The following KRR1 variants were observed in gnomAD, a reference collection of about 807,000 sequenced individuals.
The protein encoded by KRR1 is KRR1 small subunit processome component homolog.
KRR1 carries 23 observed loss-of-function variants against 50.0 expected under a neutral mutation model. The ratio of observed to expected loss-of-function variants is 0.46; its 90% confidence interval spans 0.33 to 0.65. The LOEUF is 0.65. Ranked by LOEUF, KRR1 falls within the 30% of genes least tolerant of loss-of-function variation. The pLI is 0.02. For synonymous variants in KRR1, 133 were observed against 146.3 expected (o/e 0.91, Z 0.66); for missense variants, 419 against 442.4 (o/e 0.95, Z 0.47).
At position 75,499,778 on chromosome 12, in the gene KRR1, A is replaced by AGATAGTTCTAG; in HGVS notation, c.*20_*30dup. 6.5e-7 allele frequency: 1 copy of AGATAGTTCTAG among 1,537,034 alleles called. No homozygotes were observed. The highest frequency in any genetic ancestry group is 8.8e-7 in the Non-Finnish European group (1 of 1,139,210). On this transcript the variant is annotated 3_prime_UTR_variant, in exon 10 of 10. Coordinates refer to ENST00000229214, the MANE Select transcript of KRR1 (RefSeq NM_007043.7). ...ATATCTCAAAATCCTTTACAAAAGG[A>AGATAGTTCTAG]GATAGTTCTAGTCAAGGAGTTTTGG...
rs1158184491 is a variant in KRR1 at position 75,505,240 on chromosome 12, G to A, written c.618C>T (p.Val206=). ...GATGAATATTCTTCATAGTATCAAG[G>A]ACTACTTTTCTAACCTGAAATTTGC... The part of the protein sequence containing the change: ...FSGLKEVRKV[V]LDTMKNIHPI... Residue 206 remains valine, a synonymous_variant, in exon 6 of 10, where the codon GTC becomes GTT. Coordinates refer to ENST00000229214, the MANE Select transcript of KRR1 (RefSeq NM_007043.7). 8 of 1,574,868 alleles carry A rather than the reference G, an allele frequency of 5.1e-6. No homozygotes were observed. Among genetic ancestry groups the A allele is most frequent in the Non-Finnish European group, 6.9e-6 (8 of 1,158,048 alleles).
At chr12:75,505,438 G>A (rs1438413023) in intron 5 of KRR1, among the ~76,000 whole-genome samples, 184 bp from the exon 6 acceptor site, 2 of 151,976 alleles carry the variant, frequency 1.3e-5, no homozygotes, top group Non-Finnish European at 2.9e-5. Context: ...AATCTCCCTT[G>A]AATACAATAC....
At position 75,503,933 on chromosome 12, in the gene KRR1, G is replaced by A; in HGVS notation, c.802C>T (p.Pro268Ser). The change falls in exon 7 of 10, where the codon CCA becomes TCA. Residue 268 changes from proline (P) to serine (S), a missense_variant. Pro to Ser is a moderately conservative substitution (Grantham distance 74). Transcript: ENST00000229214. ...CTTTCTGGTTGTGGTGGTGGGAATG[G>A]CGTATATTCTTTCTTAACAGTTTTT... The part of the protein sequence containing the change: ...KKKTVKKEYT[P>S]FPPPQPESQI... The A allele has an allele frequency of 1.9e-6, 3 of 1,611,666 alleles. No homozygotes were observed. The highest frequency in any genetic ancestry group is 2.5e-6 in the Non-Finnish European group (3 of 1,178,522).
intron 7 of KRR1, 68 bp downstream of exon 7, chr12:75,503,836 A>G (rs2046410194): frequency 3.6e-6 from 5 of 1,391,174 alleles, no homozygotes; most frequent in Admixed American, 4.3e-5. Flanking sequence ...AATACTTTCA[A>G]TAAAGTTTCT....
At position 75,499,752 on chromosome 12, in the gene KRR1, G is replaced by A. The variant is rs947446928; in HGVS notation, c.*57C>T. 14 of 1,365,046 alleles carry A rather than the reference G, an allele frequency of 1.0e-5. No individual in the cohort carries two copies. The African/African-American group carries it at 2.0e-4, about 19-fold the overall frequency. 84.6% of individuals were successfully genotyped at this position (1,365,046 alleles called of 1,614,324 possible). On this transcript the variant is annotated 3_prime_UTR_variant, in exon 10 of 10. Coordinates refer to ENST00000229214, the MANE Select transcript of KRR1 (RefSeq NM_007043.7). ...CTCACAAATAAGGCAACTAATGCCT[G>A]ATATCTCAAAATCCTTTACAAAAGG...
intron 7 of KRR1, 198 bp downstream of exon 7, chr12:75,503,706 A>G: frequency 2.5e-6 from 1 of 405,218 alleles, no homozygotes; most frequent in Non-Finnish European, 4.4e-6. Flanking sequence ...ATCAATGTGA[A>G]CGCCCCACTG....
rs1414270368 is a variant in KRR1, at chr12:75,497,152, G to C, written c.*2657C>G. Reference sequence around the variant, plus strand: ...TTCCAGTTTGACCACTGTGACTTTGGGCAAGTTTCTGCTTCTATTTTTTTC... The same window carrying C: ...TTCCAGTTTGACCACTGTGACTTTGCGCAAGTTTCTGCTTCTATTTTTTTC... On this transcript the variant is annotated 3_prime_UTR_variant, in exon 10 of 10. Transcript: ENST00000229214. 6.6e-6 allele frequency: 1 copy of C among 151,944 alleles called. No homozygotes were observed. Among genetic ancestry groups the C allele is most frequent in the Non-Finnish European group, 1.5e-5 (1 of 67,994 alleles). The allele number at this position is 151,944 out of a possible 1,614,324, so 9.4% of individuals were successfully genotyped here.
chr12:75,496,593 G>C lies in KRR1; in HGVS notation c.*3216C>G, dbSNP rs191499291. ...TATGTTTTTTTACCATGGTGTGAAG[G>C]GGAAACTTCAATTAAGCTGTGCAAA... On this transcript the variant is annotated 3_prime_UTR_variant, in exon 10 of 10. Transcript: ENST00000229214. The C allele has an allele frequency of 6.6e-6, 1 of 152,034 alleles. No individual in the cohort carries two copies. Among genetic ancestry groups the C allele is most frequent in the South Asian group, 2.1e-4 (1 of 4,814 alleles). 9.4% of individuals were successfully genotyped at this position (152,034 alleles called of 1,614,324 possible). A position where few individuals can be genotyped will look rare whatever the true frequency, so the allele number is the denominator to read the frequency against.
rs561794738 is a variant in KRR1 at position 75,498,993 on chromosome 12, G to GA, written c.*815dup. ...TTTTGGACTAATACAATTCAGGAAA[G>GA]AAAAAACCCAAAAACCAACCTCATT... On this transcript the variant is annotated 3_prime_UTR_variant, in exon 10 of 10. Coordinates refer to ENST00000229214, the MANE Select transcript of KRR1 (RefSeq NM_007043.7). 5.8e-5 allele frequency: 88 copies of GA among 1,520,084 alleles called. No individual in the cohort carries two copies. Among genetic ancestry groups the GA allele is most frequent in the South Asian group, 5.3e-4 (40 of 76,172 alleles). 94.2% of individuals were successfully genotyped at this position (1,520,084 alleles called of 1,614,324 possible). A position where few individuals can be genotyped will look rare whatever the true frequency, so the allele number is the denominator to read the frequency against.
In KRR1 at chr12:75,494,697, A is replaced by G. The variant is rs2120552908; in HGVS notation, c.*5112T>C. ...AAAAAAGTTTAGAACTTTTTCCAAAAGCAGAGTTCCAAAAAAAATTAGTGC... is the reference window on the plus strand; with the variant it reads ...AAAAAAGTTTAGAACTTTTTCCAAAGGCAGAGTTCCAAAAAAAATTAGTGC... On this transcript the variant is annotated 3_prime_UTR_variant, in exon 10 of 10. Coordinates refer to ENST00000229214, the MANE Select transcript of KRR1 (RefSeq NM_007043.7). 1 of 152,328 alleles carries G rather than the reference A, an allele frequency of 6.6e-6. No individual in the cohort carries two copies. Among genetic ancestry groups the G allele is most frequent in the East Asian group, 1.9e-4 (1 of 5,190 alleles). The allele number at this position is 152,328 out of a possible 1,614,324, so 9.4% of individuals were successfully genotyped here.
Position 75,498,677 on chromosome 12 carries a change from T to TC in KRR1, c.*1131dup, listed in dbSNP as rs1566101316. 2 of 1,607,340 alleles carry TC rather than the reference T, an allele frequency of 1.2e-6. No homozygotes were observed. Among genetic ancestry groups the TC allele is most frequent in the Admixed American group, 1.7e-5 (1 of 59,890 alleles). On this transcript the variant is annotated 3_prime_UTR_variant, in exon 10 of 10. Transcript: ENST00000229214. ...TACCCTTTTAATTTTTTTTCTTTCT[T>TC]CCCCCTAACTTTACAGTTAACCGAC...
chr12:75,500,615 A>AGT (rs751462703), intron 9 of KRR1: 1 of 151,950 alleles, frequency 6.6e-6, no homozygotes, highest in Non-Finnish European at 1.5e-5. Flanking sequence ...ATAATTTGAG[A>AGT]GTGTGTGGAA....
Position 75,491,141 on chromosome 12 carries a change from C to T in KRR1, c.*8668G>A, listed in dbSNP as rs761205034. ...TTATGCTGTGAAAAATTTTCCTTTT[C>T]AAAATTTTAAGTGATTTTAATCATA... On this transcript the variant is annotated 3_prime_UTR_variant, in exon 10 of 10. Coordinates refer to ENST00000229214, the MANE Select transcript of KRR1 (RefSeq NM_007043.7). 2 of 151,368 alleles carry T rather than the reference C, an allele frequency of 1.3e-5. No homozygotes were observed. Among genetic ancestry groups the T allele is most frequent in the African/African-American group, 2.4e-5 (1 of 41,276 alleles). 9.4% of individuals were successfully genotyped at this position (151,368 alleles called of 1,614,324 possible). A position where few individuals can be genotyped will look rare whatever the true frequency, so the allele number is the denominator to read the frequency against.
chr12:75,491,567 G>GTTTTAAGA lies in KRR1; in HGVS notation c.*8241_*8242insTCTTAAAA, dbSNP rs2046324088. On this transcript the variant is annotated 3_prime_UTR_variant, in exon 10 of 10. Transcript: ENST00000229214. ...ACCATTTTTGTTTTAAGTACATATT[G>GTTTTAAGA]CCAAATTACATTCCACCATTATATC... 1 of 151,974 alleles carries GTTTTAAGA rather than the reference G, an allele frequency of 6.6e-6. No homozygotes were observed. The highest frequency in any genetic ancestry group is 2.1e-4 in the South Asian group (1 of 4,814). The allele number at this position is 151,974 out of a possible 1,614,324, so 9.4% of individuals were successfully genotyped here.
chr12:75,499,108 T>C lies in KRR1; in HGVS notation c.*701A>G. On this transcript the variant is annotated 3_prime_UTR_variant, in exon 10 of 10. Coordinates refer to ENST00000229214, the MANE Select transcript of KRR1 (RefSeq NM_007043.7). ...AAAAATATATGTTATAGCAATACTCTTACTCAAAAGAAGAAATTTCCTAAC... is the reference window on the plus strand; with the variant it reads ...AAAAATATATGTTATAGCAATACTCCTACTCAAAAGAAGAAATTTCCTAAC... 1.9e-6 allele frequency: 1 copy of C among 514,370 alleles called. No homozygotes were observed. The highest frequency in any genetic ancestry group is 3.3e-6 in the Non-Finnish European group (1 of 304,962). The allele number at this position is 514,370 out of a possible 1,614,324, so 31.9% of individuals were successfully genotyped here. A position where few individuals can be genotyped will look rare whatever the true frequency, so the allele number is the denominator to read the frequency against.
At chr12:75,510,002 TACTC>T (rs1392930725) in intron 1 of KRR1, among the ~76,000 whole-genome samples, 5 of 152,004 alleles carry the variant, frequency 3.3e-5, no homozygotes, top group African/African-American at 1.2e-4. Context: ...ACAAAAGAAA[TACTC>T]AGGAGTTTCA....
chr12:75,509,439 G>A (rs914276142), intron 1 of KRR1, among the ~76,000 whole-genome samples: 3 of 152,050 alleles, frequency 2.0e-5, no homozygotes, highest in African/African-American at 4.8e-5. Flanking sequence ...CCTCAGACAG[G>A]TAAACTTTCT....
rs1212337376 is a variant in KRR1 at position 75,506,809 on chromosome 12, C to T, written c.366G>A (p.Leu122=). 6.2e-6 allele frequency: 10 copies of T among 1,611,124 alleles called. No individual in the cohort carries two copies. Among genetic ancestry groups the T allele is most frequent in the Non-Finnish European group, 8.5e-6 (10 of 1,178,976 alleles). Residue 122 remains leucine, a synonymous_variant, in exon 3 of 10, where the codon CTG becomes CTA. Transcript: ENST00000229214. ...IIIRARDLIK[L]LARSVSFEQA... is the part of the protein sequence containing the mutation. Reference sequence around the variant, plus strand: ...GTTCAAATGAAACACTCCTTGCTAACAGTTTTATCAGATCTCTGGCCCTAA... The same window carrying T: ...GTTCAAATGAAACACTCCTTGCTAATAGTTTTATCAGATCTCTGGCCCTAA...
chr12:75,499,935 T>TTTAGTTTCAGTA lies in KRR1; in HGVS notation c.1008_1019dup (p.Thr339_Lys340insAsnThrGluThr), dbSNP rs1179420469. The TTTAGTTTCAGTA allele has an allele frequency of 1.9e-6, 3 of 1,601,770 alleles. No individual in the cohort carries two copies. In the Admixed American group the frequency reaches 5.2e-5, roughly 27 times the overall value. On this transcript the variant is annotated inframe_insertion, in exon 10 of 10. Coordinates refer to ENST00000229214, the MANE Select transcript of KRR1 (RefSeq NM_007043.7). ...TTTCCTTGATGCTGGCCACATCAAT[T>TTTAGTTTCAGTA]TTAGTTTCAGTAGAAGCTAGACAAA...
Sources: gnomAD v4.1 joint callset for allele counts (sites outside exome capture counted in the v4.1 genomes callset) on GRCh38, gnomAD v4.1.1 for gene constraint, MANE v1.5 for transcripts, NCBI Gene and HGNC (gene_info 2026-07-23, HGNC 2026-07-21) for gene names.